BORCS5: variants seen among roughly 807,000 people sequenced by gnomAD.
BORCS5 encodes BLOC-1-related complex subunit 5.
In BORCS5, 17 loss-of-function variants were observed where a neutral mutation model predicts 22.1. The observed-to-expected ratio is 0.77, with a 90% CI of 0.53 to 1.15. The LOEUF (loss-of-function observed/expected upper bound fraction) is 1.15. BORCS5 is among the 50% of genes most tolerant of loss of function. The pLI, the probability that BORCS5 is intolerant of heterozygous loss-of-function variation, is 0.00. For missense variants in BORCS5, 247 were observed against 253.2 expected (o/e 0.98, Z 0.17); for synonymous variants, 117 against 99.8 (o/e 1.17, Z -1.03).
At chr12:12,367,500 G>A (rs748513304) in intron 2 of BORCS5, among the ~76,000 whole-genome samples, 3 of 152,262 alleles carry the variant, frequency 2.0e-5, no homozygotes, top group Non-Finnish European at 4.4e-5. Flanking sequence ...TTACTTTATG[G>A]GTTTGTATTT....
At chr12:12,424,650 G>T (rs1173711289) in intron 2 of BORCS5, among the ~76,000 whole-genome samples, 1 of 151,488 alleles carries the variant, frequency 6.6e-6, no homozygotes. Context: ...CAGTAATATG[G>T]TAACTGTGGA....
intron 2 of BORCS5, among the ~76,000 whole-genome samples, chr12:12,392,513 G>T (rs965230773): frequency 2.0e-5 from 3 of 152,080 alleles, no homozygotes; most frequent in Non-Finnish European, 4.4e-5. Context: ...TTTGAGAACA[G>T]TCAGATCCAG....
intron 2 of BORCS5, among the ~76,000 whole-genome samples, chr12:12,427,750 C>A (rs956499115): frequency 6.6e-6 from 1 of 152,110 alleles, no homozygotes. Context: ...TTGCCTCTGC[C>A]GAGGACCTGC....
In BORCS5 at chr12:12,469,199, T is replaced by C. The variant is rs1331061322; in HGVS notation, c.*3423T>C. On this transcript the variant is annotated 3_prime_UTR_variant, in exon 4 of 4. Coordinates refer to ENST00000314565, the MANE Select transcript of BORCS5 (RefSeq NM_058169.6). ...GAAACCCCATCTCTACTAAAAAAAA[T>C]ACAGAAATTACCCGGGCATGGTGGC... is the stretch of plus-strand genomic sequence containing the variant. 6.6e-6 allele frequency: 1 copy of C among 151,856 alleles called. No homozygotes were observed. Among genetic ancestry groups the C allele is most frequent in the Non-Finnish European group, 1.5e-5 (1 of 68,002 alleles). The allele number at this position is 151,856 out of a possible 1,614,324, so 9.4% of individuals were successfully genotyped here.
At chr12:12,364,402 A>T (rs746782611) in intron 2 of BORCS5, among the ~76,000 whole-genome samples, 1 of 151,896 alleles carries the variant, frequency 6.6e-6, no homozygotes, top group Non-Finnish European at 1.5e-5. Context: ...AAGAGAAAGT[A>T]TATTAACTAT....
intron 1 of BORCS5, among the ~76,000 whole-genome samples, chr12:12,358,340 G>A (rs1863194774): frequency 6.6e-6 from 1 of 152,170 alleles, no homozygotes; most frequent in Non-Finnish European, 1.5e-5. Flanking sequence ...TTCAGAAATA[G>A]GCAAGCTAAT....
At chr12:12,435,534 T>G in intron 2 of BORCS5, 94 bp from the exon 3 acceptor site, 1 of 975,354 alleles carries the variant, frequency 1.0e-6, no homozygotes, top group Non-Finnish European at 1.5e-6. Context: ...TAAATTGAAG[T>G]CTTACCCTGT....
chr12:12,445,507 T>C (rs1473977175), intron 3 of BORCS5, among the ~76,000 whole-genome samples: 24 of 148,736 alleles, frequency 1.6e-4, no homozygotes, highest in Admixed American at 1.1e-3. Flanking sequence ...TTTTTTTTTT[T>C]TTTTTTTTCA....
At chr12:12,454,170 A>G (rs1033206916) in intron 3 of BORCS5, among the ~76,000 whole-genome samples, 2 of 152,220 alleles carry the variant, frequency 1.3e-5, no homozygotes, top group East Asian at 3.8e-4. Flanking sequence ...GGGTGAACAT[A>G]TAATTTACTT....
chr12:12,371,044 T>A (rs1863516968), intron 2 of BORCS5, among the ~76,000 whole-genome samples: 1 of 152,178 alleles, frequency 6.6e-6, no homozygotes, highest in African/African-American at 2.4e-5. Context: ...CCACTGCGCC[T>A]GGCCTACTGT....
At chr12:12,373,981 C>CTTTTTTTTTT (rs926893487) in intron 2 of BORCS5, among the ~76,000 whole-genome samples, 10 of 89,792 alleles carry the variant, frequency 1.1e-4, no homozygotes, top group African/African-American at 4.5e-4. Flanking sequence ...AGAGAGTATT[C>CTTTTTTTTTT]TTTTTTTTTT....
At chr12:12,444,243 G>A (rs1009464528) in intron 3 of BORCS5, among the ~76,000 whole-genome samples, 1 of 152,186 alleles carries the variant, frequency 6.6e-6, no homozygotes, top group African/African-American at 2.4e-5. Context: ...GAGTAAGCTA[G>A]GCTACAGCTG....
chr12:12,451,358 A>T (rs753575565), intron 3 of BORCS5, among the ~76,000 whole-genome samples: 12 of 152,300 alleles, frequency 7.9e-5, no homozygotes, highest in Non-Finnish European at 1.6e-4. Context: ...GTTCTTTAAC[A>T]ATTGTGTGAC....
chr12:12,357,349 G>A lies in BORCS5; in HGVS notation c.-103G>A. ...AGCCTCGCTGCGGCGCCCAGACTCTGCTTTGCCTCCCCGTCCCGGTCCCTG... is the reference window on the plus strand; with the variant it reads ...AGCCTCGCTGCGGCGCCCAGACTCTACTTTGCCTCCCCGTCCCGGTCCCTG... On this transcript the variant is annotated 5_prime_UTR_variant, in exon 1 of 4. Transcript: ENST00000314565. The A allele has an allele frequency of 3.3e-6, 5 of 1,500,634 alleles. No homozygotes were observed. The highest frequency in any genetic ancestry group is 2.7e-6 in the Non-Finnish European group (3 of 1,118,480). The allele number at this position is 1,500,634 out of a possible 1,614,324, so 93.0% of individuals were successfully genotyped here. A position where few individuals can be genotyped will look rare whatever the true frequency, so the allele number is the denominator to read the frequency against.
rs1468147531 is a variant in BORCS5 at position 12,468,928 on chromosome 12, T to C, written c.*3152T>C. ...CACACATATATAGTTTCCTGTGTCT[T>C]AGATGATAACATCCTTAAAATATGA... On this transcript the variant is annotated 3_prime_UTR_variant, in exon 4 of 4. Transcript: ENST00000314565. The C allele has an allele frequency of 6.6e-6, 1 of 152,196 alleles. No homozygotes were observed. Among genetic ancestry groups the C allele is most frequent in the Non-Finnish European group, 1.5e-5 (1 of 68,034 alleles). The allele number at this position is 152,196 out of a possible 1,614,324, so 9.4% of individuals were successfully genotyped here.
chr12:12,398,347 A>G (rs1941397524), intron 2 of BORCS5, among the ~76,000 whole-genome samples: 2 of 152,170 alleles, frequency 1.3e-5, no homozygotes, highest in Admixed American at 1.3e-4. Context: ...CAAAGGGTAA[A>G]GAATTATGGA....
At chr12:12,402,467 A>G (rs1340462969) in intron 2 of BORCS5, among the ~76,000 whole-genome samples, 1 of 152,184 alleles carries the variant, frequency 6.6e-6, no homozygotes, top group African/African-American at 2.4e-5. Flanking sequence ...TACTGTGGAC[A>G]CCAGAGAGTT....
Position 12,387,497 on chromosome 12 carries a change from G to A in BORCS5, c.202+26148G>A, listed in dbSNP as rs192849657. Among the ~76,000 whole-genome samples, 206 of 151,420 alleles carry A rather than the reference G, an allele frequency of 1.4e-3. 3 individuals are homozygous for A. The highest frequency in any genetic ancestry group is 5.8e-4 in the East Asian group (3 of 5,180). On this transcript the variant is annotated intron_variant, in intron 2 of 3. Transcript: ENST00000314565. ...TTTATTCTGATCATGAAAGTAACACGTGCTCATGATTTTATGTCACTCAGC... is the reference window on the plus strand; with the variant it reads ...TTTATTCTGATCATGAAAGTAACACATGCTCATGATTTTATGTCACTCAGC...
chr12:12,393,369 G>C (rs1026431764), intron 2 of BORCS5, among the ~76,000 whole-genome samples: 1 of 152,026 alleles, frequency 6.6e-6, no homozygotes. Context: ...CCATTGCCAG[G>C]TGCCTGGGAC....
Sources: gnomAD v4.1 joint callset for allele counts (sites outside exome capture counted in the v4.1 genomes callset) on GRCh38, gnomAD v4.1.1 for gene constraint, MANE v1.5 for transcripts, NCBI Gene and HGNC (gene_info 2026-07-23, HGNC 2026-07-21) for gene names.